SHISA9: variants seen among roughly 807,000 people sequenced by gnomAD.
SHISA9 encodes the protein shisa family member 9.
A neutral mutation model predicts 38.0 loss-of-function variants in SHISA9; 13 were observed. The ratio of observed to expected loss-of-function variants is 0.34; its 90% CI spans 0.22 to 0.54. The LOEUF is 0.54. Among genes scored for constraint, SHISA9 ranks in the 20% least tolerant of loss-of-function variants. The probability of loss-of-function intolerance (pLI) is 0.91; values close to 1 mark genes in which losing one functional copy is unlikely to be tolerated. For synonymous variants in SHISA9, 275 were observed against 242.0 expected, an observed-to-expected ratio of 1.14 and a Z score of -1.27; for missense variants, 538 against 575.8, an observed-to-expected ratio of 0.93 and a Z score of 0.67.
the SHISA9 span, among the ~76,000 whole-genome samples, chr16:13,424,078 C>G: frequency 1.3e-5 from 2 of 152,206 alleles, no homozygotes; most frequent in Non-Finnish European, 2.9e-5. Flanking sequence ...ATATCCAATC[C>G]CATTCACTGG....
the SHISA9 span, among the ~76,000 whole-genome samples, chr16:13,275,487 G>A: frequency 2.6e-5 from 4 of 151,850 alleles, no homozygotes; most frequent in Non-Finnish European, 5.9e-5. Context: ...GTATGAGTTC[G>A]ATGTAGTAAT....
the SHISA9 span, among the ~76,000 whole-genome samples, chr16:13,475,567 A>T: frequency 2.0e-5 from 3 of 152,114 alleles, no homozygotes; most frequent in Admixed American, 2.0e-4. Flanking sequence ...AATAGTCCCC[A>T]ACCTTTTATG....
the SHISA9 span, among the ~76,000 whole-genome samples, chr16:13,473,842 A>T: frequency 6.6e-6 from 1 of 152,198 alleles, no homozygotes; most frequent in Admixed American, 6.5e-5. Flanking sequence ...CTATTCTTGC[A>T]TCTGATTTTT....
chr16:13,426,021 C>T, the SHISA9 span, among the ~76,000 whole-genome samples: 6 of 152,186 alleles, frequency 3.9e-5, no homozygotes, highest in Admixed American at 1.3e-4. Flanking sequence ...ACAGACAACA[C>T]AGAACAGTTA....
chr16:12,904,209 T>G (rs1379497734), intron 1 of SHISA9, among the ~76,000 whole-genome samples: 1 of 152,046 alleles, frequency 6.6e-6, no homozygotes, highest in Non-Finnish European at 1.5e-5. Context: ...AGGGGAGAAG[T>G]GGTCTCAGGA....
chr16:13,093,994 T>C (rs937230138), intron 2 of SHISA9, among the ~76,000 whole-genome samples: 7 of 152,092 alleles, frequency 4.6e-5, no homozygotes, highest in Non-Finnish European at 7.4e-5. Flanking sequence ...CCACCCCCAC[T>C]GAAGGTAGGT....
the SHISA9 span, among the ~76,000 whole-genome samples, chr16:13,393,683 G>A: frequency 1.3e-5 from 2 of 151,906 alleles, no homozygotes; most frequent in East Asian, 3.9e-4. Flanking sequence ...AAGACTGTGT[G>A]AGCCTTGGCT....
chr16:13,383,041 A>G, the SHISA9 span, among the ~76,000 whole-genome samples: 8 of 152,224 alleles, frequency 5.3e-5, no homozygotes, highest in African/African-American at 1.7e-4. Flanking sequence ...AAATAAAGCA[A>G]TAAACAAAAC....
At chr16:12,923,245 TG>T (rs1164783389) in intron 2 of SHISA9, among the ~76,000 whole-genome samples, 1 of 152,046 alleles carries the variant, frequency 6.6e-6, no homozygotes, top group Non-Finnish European at 1.5e-5. Flanking sequence ...TTGTGGGAGA[TG>T]GGGCCAGGTG....
the SHISA9 span, among the ~76,000 whole-genome samples, chr16:13,533,906 C>T: frequency 5.3e-5 from 8 of 151,650 alleles, no homozygotes; most frequent in Non-Finnish European, 1.0e-4. Flanking sequence ...GCCTCAGCCT[C>T]CTGAGTAGCT....
At chr16:13,076,372 T>C (rs276610) in intron 2 of SHISA9, among the ~76,000 whole-genome samples, 123,148 of 152,156 alleles carry the variant, frequency 0.81, 50,402 homozygotes, top group African/African-American at 0.93. Context: ...ACTCTGCCTC[T>C]GCAAATATTC....
chr16:12,961,523 G>A (rs2071912258), intron 2 of SHISA9, among the ~76,000 whole-genome samples: 3 of 152,164 alleles, frequency 2.0e-5, no homozygotes, highest in Non-Finnish European at 2.9e-5. Context: ...CTCTGCAGAT[G>A]TAACAGAAAA....
intron 2 of SHISA9, among the ~76,000 whole-genome samples, chr16:13,035,791 A>G (rs554054194): frequency 4.8e-4 from 73 of 152,302 alleles, no homozygotes; most frequent in African/African-American, 1.7e-3. Flanking sequence ...AATAACTTCC[A>G]TCATAAAGAT....
the SHISA9 span, among the ~76,000 whole-genome samples, chr16:13,490,094 C>G: frequency 7.9e-5 from 12 of 151,962 alleles, no homozygotes; most frequent in Non-Finnish European, 1.6e-4. Context: ...GATAGTAAGT[C>G]AAAAAGGGCA....
intron 2 of SHISA9, among the ~76,000 whole-genome samples, chr16:13,048,874 G>A (rs188897534): frequency 1.1e-4 from 17 of 152,218 alleles, no homozygotes; most frequent in African/African-American, 3.1e-4. Context: ...TTATTGAGTC[G>A]ATCATTCAGA....
chr16:13,308,869 C>T, the SHISA9 span, among the ~76,000 whole-genome samples: 1 of 152,114 alleles, frequency 6.6e-6, no homozygotes, highest in Non-Finnish European at 1.5e-5. Context: ...TTATGTGGCA[C>T]AGGAGCCTCC....
intron 2 of SHISA9, among the ~76,000 whole-genome samples, chr16:13,087,525 G>T (rs1477324399): frequency 6.6e-6 from 1 of 152,146 alleles, no homozygotes; most frequent in Non-Finnish European, 1.5e-5. Context: ...ATTCTAAATG[G>T]TGTGAGATGG....
the SHISA9 span, among the ~76,000 whole-genome samples, chr16:13,493,093 A>C: frequency 2.0e-5 from 3 of 152,174 alleles, no homozygotes; most frequent in Non-Finnish European, 2.9e-5. Context: ...GGAGAAGGGA[A>C]TGTGTCATTC....
At chr16:13,366,713 T>G in the SHISA9 span, among the ~76,000 whole-genome samples, 1 of 151,462 alleles carries the variant, frequency 6.6e-6, no homozygotes, top group African/African-American at 2.4e-5. Context: ...AGAGGCCAAG[T>G]GCAGTGACTC....
Sources: gnomAD v4.1 joint callset for allele counts (sites outside exome capture counted in the v4.1 genomes callset) on GRCh38, gnomAD v4.1.1 for gene constraint, MANE v1.5 for transcripts, NCBI Gene and HGNC (gene_info 2026-07-23, HGNC 2026-07-21) for gene names.